The following DNAH17 variants were observed in gnomAD, a reference collection of about 807,000 sequenced individuals.
DNAH17 encodes the protein dynein axonemal heavy chain 17, also known as axonemal beta dynein heavy chain 17.
Under a neutral mutation model 485.6 loss-of-function variants are expected in DNAH17, and 376 were observed. The ratio of observed to expected loss-of-function variants is 0.77; its 90% confidence interval spans 0.71 to 0.84. The LOEUF is 0.84. Ranked by LOEUF, DNAH17 falls within the 40% of genes least tolerant of loss-of-function variation. The pLI is 0.00. For synonymous variants in DNAH17, 3,031 were observed against 2,405.9 expected (o/e 1.26, Z -7.60); for missense variants, 6,370 against 5,839.3 (o/e 1.09, Z -2.96).
intron 43 of DNAH17, 65 bp downstream of exon 43, chr17:78,491,374 GCCTC>G (rs1349413266): frequency 3.8e-6 from 6 of 1,563,814 alleles, no homozygotes; most frequent in Non-Finnish European, 5.2e-6. Context: ...CTCCGTAGGC[GCCTC>G]CCTGTGAGCC....
rs575044135 is a variant in DNAH17, at chr17:78,479,472, C to T, written c.7900+13G>A. The T allele has an allele frequency of 1.9e-6, 3 of 1,603,238 alleles. No individual in the cohort carries two copies. The highest frequency in any genetic ancestry group is 2.2e-5 in the East Asian group (1 of 44,680). ...TTTACCGATGGGAGAGGGGATGAGG[C>T]CAGCCAGCTTACCCAGGGCCGCGGC... On this transcript the variant is annotated intron_variant, in intron 50 of 80. Transcript: ENST00000389840.
At chr17:78,533,625 C>A (rs1031068388) in intron 19 of DNAH17, among the ~76,000 whole-genome samples, 8 of 152,130 alleles carry the variant, frequency 5.3e-5, no homozygotes. Flanking sequence ...ACTGGAGAAT[C>A]CCAAGGTGGT....
chr17:78,434,986 G>A (rs2086810467), intron 74 of DNAH17, among the ~76,000 whole-genome samples: 1 of 152,214 alleles, frequency 6.6e-6, no homozygotes, highest in Non-Finnish European at 1.5e-5. Flanking sequence ...TGGATCAAGA[G>A]CAGGGCCCTG....
rs2092068426 is a variant in DNAH17 at position 78,558,141 on chromosome 17, G to A, written c.2145C>T (p.Gly715=). 1 of 1,613,760 alleles carries A rather than the reference G, an allele frequency of 6.2e-7. No individual in the cohort carries two copies. The highest frequency in any genetic ancestry group is 1.1e-5 in the South Asian group (1 of 91,012). Residue 715 remains glycine, a synonymous_variant, in exon 14 of 81, where the codon GGC becomes GGT. Transcript: ENST00000389840. ...ACCAGCCAACGATGAGCTCCAGGTTGCCCACAAACTTCCGGAAAGTTTCGT... is the reference window on the plus strand; with the variant it reads ...ACCAGCCAACGATGAGCTCCAGGTTACCCACAAACTTCCGGAAAGTTTCGT... ...SENETFRKFV[G]NLELIVGWYN...
intron 19 of DNAH17, among the ~76,000 whole-genome samples, chr17:78,534,510 C>T (rs1384875697): frequency 1.3e-5 from 2 of 152,224 alleles, no homozygotes; most frequent in East Asian, 1.9e-4. Flanking sequence ...GCCATGGGCT[C>T]GCCTGTGCCT....
At chr17:78,427,191 G>A (rs1246289003) in intron 77 of DNAH17, 83 bp from the exon 78 acceptor site, 7 of 1,426,930 alleles carry the variant, frequency 4.9e-6, no homozygotes, top group Middle Eastern at 2.1e-4. Context: ...TGCCCAAAAT[G>A]TTCCCAGCCC....
At chr17:78,450,587 C>T (rs2146492179) in intron 67 of DNAH17, 95 bp downstream of exon 67, 2 of 1,493,728 alleles carry the variant, frequency 1.3e-6, no homozygotes, top group South Asian at 1.3e-5. Flanking sequence ...ACCGAAGCTG[C>T]TTTTCTCCTT....
At chr17:78,523,153 G>C (rs989242726) in intron 25 of DNAH17, among the ~76,000 whole-genome samples, 35 of 151,574 alleles carry the variant, frequency 2.3e-4, no homozygotes, top group African/African-American at 8.0e-4. Context: ...ACTACACCTA[G>C]CCTCCTTTTT....
At chr17:78,547,108 A>AT (rs1026028243) in intron 16 of DNAH17, among the ~76,000 whole-genome samples, 64 of 152,234 alleles carry the variant, frequency 4.2e-4, no homozygotes, top group African/African-American at 1.5e-3. Flanking sequence ...TTACAACCGT[A>AT]TTTATCTCTT....
chr17:78,442,877 T>C (rs2087127975), intron 71 of DNAH17, among the ~76,000 whole-genome samples: 1 of 152,220 alleles, frequency 6.6e-6, no homozygotes, highest in African/African-American at 2.4e-5. Context: ...TGTCAGTGCT[T>C]GCAACAGTGC....
In DNAH17 at chr17:78,459,100, G is replaced by A; in HGVS notation, c.9762C>T (p.Val3254=). ...WCINIVRFYE[V]YCDVAPKRQA... ...GCCTCTTGGGCGCCACGTCGCAGTA[G>A]ACCTCGTAGAAGCGGACGATGTTGA... The change falls in exon 61 of 81, where the codon GTC becomes GTT. Residue 3254 remains valine (V), a synonymous_variant. Transcript: ENST00000389840. 1.2e-6 allele frequency: 2 copies of A among 1,614,032 alleles called. No homozygotes were observed. The highest frequency in any genetic ancestry group is 1.1e-5 in the South Asian group (1 of 91,086).
At chr17:78,491,356 C>T in intron 43 of DNAH17, 87 bp downstream of exon 43, 4 of 1,523,410 alleles carry the variant, frequency 2.6e-6, no homozygotes, top group Middle Eastern at 1.8e-4. Context: ...GCATGCAGGG[C>T]CTGAGTGCTC....
At position 78,475,534 on chromosome 17, in the gene DNAH17, G is replaced by A. The variant is rs1296677762; in HGVS notation, c.8320-65C>T. On this transcript the variant is annotated intron_variant, in intron 53 of 80. Coordinates refer to ENST00000389840, the MANE Select transcript of DNAH17 (RefSeq NM_173628.4). ...CTGGAATCACCTCTGTCACCAGCACGGACTCTGCACATGCTGAGGTGTGCA... is the reference window on the plus strand; with the variant it reads ...CTGGAATCACCTCTGTCACCAGCACAGACTCTGCACATGCTGAGGTGTGCA... 9 of 1,608,624 alleles carry A rather than the reference G, an allele frequency of 5.6e-6. No individual in the cohort carries two copies. In the East Asian group the frequency reaches 6.7e-5, roughly 12 times the overall value.
chr17:78,513,085 C>T (rs1413353915), intron 26 of DNAH17, among the ~76,000 whole-genome samples: 1 of 152,018 alleles, frequency 6.6e-6, no homozygotes, highest in Admixed American at 6.6e-5. Context: ...CCTAAGCCCC[C>T]GAACAAATTG....
In DNAH17 at chr17:78,507,689, G is replaced by A. The variant is rs937549060; in HGVS notation, c.4353C>T (p.Asp1451=). Residue 1451 remains aspartate, a synonymous_variant, in exon 28 of 81, where the codon GAC becomes GAT. Coordinates refer to ENST00000389840, the MANE Select transcript of DNAH17 (RefSeq NM_173628.4). ...SSEVLVETLE[D]NQVQLQNLMM... ...TCAGGTTCTGCAGCTGCACCTGGTT[G>A]TCCTCCAGCGTCTCCACCAGCACCT... The A allele has an allele frequency of 6.2e-7, 1 of 1,611,280 alleles. No individual in the cohort carries two copies. Among genetic ancestry groups the A allele is most frequent in the Non-Finnish European group, 8.5e-7 (1 of 1,179,772 alleles).
Position 78,423,800 on chromosome 17 carries a change from C to A in DNAH17, c.*106G>T, listed in dbSNP as rs544945593. 2.1e-6 allele frequency: 3 copies of A among 1,443,300 alleles called. No individual in the cohort carries two copies. The highest frequency in any genetic ancestry group is 2.1e-4 in the Middle Eastern group (1 of 4,818). The allele number at this position is 1,443,300 out of a possible 1,614,324, so 89.4% of individuals were successfully genotyped here. On this transcript the variant is annotated 3_prime_UTR_variant, in exon 81 of 81. Coordinates refer to ENST00000389840, the MANE Select transcript of DNAH17 (RefSeq NM_173628.4). ...CAAAGCACCTGATTATTTAAGAGAACGAAAAACCACCACCAGTTCCTGTAA... is the reference window on the plus strand; with the variant it reads ...CAAAGCACCTGATTATTTAAGAGAAAGAAAAACCACCACCAGTTCCTGTAA...
intron 56 of DNAH17, among the ~76,000 whole-genome samples, chr17:78,465,734 C>T (rs1356160171): frequency 1.3e-5 from 2 of 149,206 alleles, no homozygotes; most frequent in African/African-American, 5.1e-5. Flanking sequence ...CTCCGCCCGG[C>T]AGCCACCCCG....
At chr17:78,450,621 C>T (rs1033634120) in intron 67 of DNAH17, 61 bp downstream of exon 67, 83 of 1,555,488 alleles carry the variant, frequency 5.3e-5, no homozygotes, top group Middle Eastern at 2.2e-4. Context: ...AGGCGCCGAT[C>T]GCCCGTGGCC....
intron 51 of DNAH17, among the ~76,000 whole-genome samples, chr17:78,478,310 TCACATCAC>T (rs2089181767): frequency 8.1e-6 from 1 of 123,568 alleles, no homozygotes; most frequent in Non-Finnish European, 1.6e-5. Flanking sequence ...ATCACCACAA[TCACATCAC>T]CACCACCACC....
Sources: allele counts gnomAD v4.1 joint callset (sites outside exome capture counted in the v4.1 genomes callset), GRCh38; gene constraint gnomAD v4.1.1; transcripts MANE v1.5; gene names NCBI Gene and HGNC (gene_info 2026-07-23, HGNC 2026-07-21).